TRIM54: variants seen among roughly 807,000 people sequenced by gnomAD.
TRIM54 encodes the protein tripartite motif containing 54.
TRIM54 carries 40 observed loss-of-function variants against 42.0 expected under a neutral mutation model. The ratio of observed to expected loss-of-function variants is 0.95; its 90% CI spans 0.74 to 1.24. TRIM54 has a LOEUF of 1.24. Ranked by LOEUF, TRIM54 falls within the 50% of genes most tolerant of loss-of-function variation. TRIM54 has a pLI of 0.00. For synonymous variants in TRIM54, 199 were observed against 194.9 expected, an observed-to-expected ratio of 1.02 and a Z score of -0.17; for missense variants, 485 against 480.3, an observed-to-expected ratio of 1.01 and a Z score of -0.09.
At chr2:27,283,652 A>G (rs1045263190) in intron 1 of TRIM54, among the ~76,000 whole-genome samples, 3 of 151,756 alleles carry the variant, frequency 2.0e-5, no homozygotes, top group Non-Finnish European at 2.9e-5. Context: ...AAATAAAAGC[A>G]GCATATACCA....
chr2:27,292,715 C>T (rs1678753032), intron 1 of TRIM54, among the ~76,000 whole-genome samples: 1 of 152,100 alleles, frequency 6.6e-6, no homozygotes, highest in Non-Finnish European at 1.5e-5. Flanking sequence ...ACAATACCTC[C>T]CTACTCCCCC....
rs752002864 is a variant in TRIM54, at chr2:27,306,314, T to C, written c.968T>C (p.Leu323Pro). Reference sequence around the variant, plus strand: ...AGGGTGGAGCACGTGGCCGAAATGCTGCGGACCATCGACTTCCAGCCAGGT... The same window carrying C: ...AGGGTGGAGCACGTGGCCGAAATGCCGCGGACCATCGACTTCCAGCCAGGT... ...TVRVEHVAEM[L>P]RTIDFQPGAS... The change falls in exon 7 of 9, where the codon CTG becomes CCG. Residue 323 changes from leucine (L) to proline (P), a missense_variant. Transcript: ENST00000380075. The surrounding 1 kb of genome is among the most constrained non-coding windows in gnomAD (Gnocchi z 6.1). 1.2e-6 allele frequency: 2 copies of C among 1,614,106 alleles called. No homozygotes were observed. The highest frequency in any genetic ancestry group is 2.2e-5 in the East Asian group (1 of 44,874).
chr2:27,287,980 A>G (rs145836310), intron 1 of TRIM54, among the ~76,000 whole-genome samples: 99 of 152,246 alleles, frequency 6.5e-4, no homozygotes, highest in Middle Eastern at 3.4e-3. Flanking sequence ...TCCTCCTTTC[A>G]AGCAGTAGGG....
chr2:27,305,166 T>A (rs964033996), intron 4 of TRIM54, 112 bp downstream of exon 4: 1 of 954,386 alleles, frequency 1.0e-6, no homozygotes, highest in African/African-American at 1.6e-5. Context: ...TGAAAGTTTC[T>A]GGGGTCCTGG....
At chr2:27,294,912 A>T (rs1678822426) in intron 1 of TRIM54, among the ~76,000 whole-genome samples, 2 of 139,550 alleles carry the variant, frequency 1.4e-5, no homozygotes, top group Admixed American at 7.3e-5. Context: ...AAAAAAAAAG[A>T]GTATTACCTA....
Position 27,282,832 on chromosome 2 carries a change from C to T in TRIM54, c.101C>T (p.Ser34Phe), listed in dbSNP as rs765665768. The change falls in exon 1 of 9, where the codon TCC (serine) becomes TTC (phenylalanine). Residue 34 changes from serine to phenylalanine, a missense_variant. Ser to Phe is a radical substitution (Grantham distance 155). Coordinates refer to ENST00000380075, the MANE Select transcript of TRIM54 (RefSeq NM_187841.3). ...LICPICLEMF[S>F]KPVVILPCQH... The stretch of plus-strand genomic sequence containing the variant: ...TGCCCCATCTGCCTGGAGATGTTCT[C>T]CAAACCAGTGGTGATCCTGCCCTGC... The T allele has an allele frequency of 6.2e-7, 1 of 1,614,106 alleles. No homozygotes were observed. The highest frequency in any genetic ancestry group is 1.3e-5 in the African/African-American group (1 of 75,058).
chr2:27,301,304 T>A (rs1679029615), intron 3 of TRIM54, among the ~76,000 whole-genome samples: 3 of 152,090 alleles, frequency 2.0e-5, no homozygotes, highest in Non-Finnish European at 4.4e-5. Context: ...CATGACTGGC[T>A]AATTTTTGTA....
At chr2:27,299,488 A>C in intron 3 of TRIM54, 72 bp downstream of exon 3, 3 of 1,567,848 alleles carry the variant, frequency 1.9e-6, no homozygotes, top group Non-Finnish European at 2.6e-6. Context: ...TCAGCCTCTT[A>C]CTCCACTTAT....
chr2:27,289,398 C>T (rs1318354188), intron 1 of TRIM54, among the ~76,000 whole-genome samples: 1 of 152,134 alleles, frequency 6.6e-6, no homozygotes, highest in East Asian at 1.9e-4. Context: ...CTCACCACAA[C>T]CTCTGCCTCC....
chr2:27,295,693 G>T (rs192968554), intron 1 of TRIM54, among the ~76,000 whole-genome samples: 19 of 152,280 alleles, frequency 1.2e-4, no homozygotes, highest in African/African-American at 4.6e-4. Context: ...TGGAGGTTGG[G>T]GAGAGCGGCT....
intron 1 of TRIM54, among the ~76,000 whole-genome samples, chr2:27,294,571 T>C (rs879942176): frequency 1.3e-5 from 2 of 152,096 alleles, no homozygotes; most frequent in East Asian, 1.9e-4. Flanking sequence ...CACAATTTCC[T>C]CATCCTTGAA....
At chr2:27,303,881 G>A (rs1400342772) in intron 3 of TRIM54, among the ~76,000 whole-genome samples, 71 of 152,102 alleles carry the variant, frequency 4.7e-4, no homozygotes, top group Admixed American at 4.7e-3. Flanking sequence ...AAAAAAAGAT[G>A]AAAAATTTTA....
chr2:27,289,105 A>G (rs1558583268), intron 1 of TRIM54, among the ~76,000 whole-genome samples: 1 of 152,182 alleles, frequency 6.6e-6, no homozygotes, highest in Non-Finnish European at 1.5e-5. Context: ...AGAGTATAAA[A>G]TCGTTATTTG....
At chr2:27,282,926 A>G (rs1490892558) in intron 1 of TRIM54, 27 bp downstream of exon 1, 5 of 1,592,744 alleles carry the variant, frequency 3.1e-6, no homozygotes, top group African/African-American at 2.7e-5. Context: ...GGGCAGGGCC[A>G]GGTAAAGCAA....
intron 1 of TRIM54, among the ~76,000 whole-genome samples, chr2:27,293,185 C>T (rs564424762): frequency 1.4e-4 from 21 of 152,212 alleles, no homozygotes; most frequent in African/African-American, 5.1e-4. Context: ...TTATCACTCC[C>T]CTTTTATCAG....
rs373078261 is a variant in TRIM54 at position 27,306,398 on chromosome 2, C to T, written c.992-58C>T. 2,032 of 1,612,826 alleles carry T rather than the reference C, an allele frequency of 1.3e-3. 1 individual carries two copies. Among genetic ancestry groups the T allele is most frequent in the South Asian group, 2.2e-3 (203 of 90,980 alleles). On this transcript the variant is annotated intron_variant, in intron 7 of 8. Transcript: ENST00000380075. The surrounding 1 kb of genome is among the most constrained non-coding windows in gnomAD (Gnocchi z 6.1). ...CGGACCCTCTGTGTGGGGGGTGCGG[C>T]GGGCACGATGGCCGTAAAGGCAGGG...
chr2:27,298,630 T>C lies in TRIM54; in HGVS notation c.232T>C (p.Cys78Arg), dbSNP rs1678936301. 2 of 1,614,196 alleles carry C rather than the reference T, an allele frequency of 1.2e-6. No homozygotes were observed. Among genetic ancestry groups the C allele is most frequent in the Admixed American group, 1.7e-5 (1 of 60,024 alleles). ...TGTGTCTTCAGGAGGCCGTTTCCGCTGCCCATCGTGCAGGCATGAGGTTGT... is the reference window on the plus strand; with the variant it reads ...TGTGTCTTCAGGAGGCCGTTTCCGCCGCCCATCGTGCAGGCATGAGGTTGT... ...TTVSSGGRFR[C>R]PSCRHEVVLD... The change falls in exon 2 of 9, where the codon TGC becomes CGC. Residue 78 changes from cysteine to arginine, a missense_variant. By Grantham distance (180) the Cys-to-Arg change is radical. Coordinates refer to ENST00000380075, the MANE Select transcript of TRIM54 (RefSeq NM_187841.3).
At position 27,282,774 on chromosome 2, in the gene TRIM54, C is replaced by T. The variant is rs1389678790; in HGVS notation, c.43C>T (p.His15Tyr). The stretch of plus-strand genomic sequence containing the variant: ...TTTCAAGCCGCTGCTAGGGGATGCA[C>T]ACAGCATGGACAACCTGGAGAAGCA... Reference protein sequence around the residue: ...VGFKPLLGDAHSMDNLEKQLI... With the variant: ...VGFKPLLGDAYSMDNLEKQLI... The change falls in exon 1 of 9, where the codon CAC becomes TAC. Residue 15 changes from histidine to tyrosine, a missense_variant. By Grantham distance (83) the His-to-Tyr change is moderately conservative. Coordinates refer to ENST00000380075, the MANE Select transcript of TRIM54 (RefSeq NM_187841.3). 4 of 1,613,554 alleles carry T rather than the reference C, an allele frequency of 2.5e-6. No individual in the cohort carries two copies. Among genetic ancestry groups the T allele is most frequent in the Non-Finnish European group, 3.4e-6 (4 of 1,179,792 alleles).
intron 1 of TRIM54, among the ~76,000 whole-genome samples, chr2:27,289,171 C>T (rs1409323877): frequency 6.6e-6 from 1 of 151,962 alleles, no homozygotes; most frequent in East Asian, 1.9e-4. Context: ...TTTGTGTGTG[C>T]CGTGGACCAA....
Sources: gnomAD v4.1 joint callset for allele counts (sites outside exome capture counted in the v4.1 genomes callset) on GRCh38, gnomAD v4.1.1 for gene constraint, Gnocchi (gnomAD v3.1) non-coding constraint, MANE v1.5 for transcripts, NCBI Gene and HGNC (gene_info 2026-07-23, HGNC 2026-07-21) for gene names.